The following CEP68 variants were observed in gnomAD, a reference collection of about 807,000 sequenced individuals.
The protein encoded by CEP68 is centrosomal protein 68, also known as centrosomal protein of 68 kDa.
CEP68 carries 26 observed loss-of-function variants against 55.3 expected under a neutral mutation model. The observed-to-expected ratio is 0.47, with a 90% confidence interval of 0.34 to 0.65. The LOEUF is 0.65. CEP68 is among the 30% of genes least tolerant of loss of function. CEP68 has a pLI of 0.01. For synonymous variants in CEP68, 402 were observed against 383.2 expected (o/e 1.05, Z -0.57); for missense variants, 957 against 946.7 (o/e 1.01, Z -0.14).
At chr2:65,062,557 G>A (rs534783823) in intron 1 of CEP68, among the ~76,000 whole-genome samples, 26 of 149,446 alleles carry the variant, frequency 1.7e-4, no homozygotes, top group Non-Finnish European at 2.7e-4. Flanking sequence ...AAAAAGAGGC[G>A]GGGCGTGATG....
Position 65,072,987 on chromosome 2 carries a change from A to G in CEP68, c.1884+7A>G. On this transcript the variant is annotated splice_region_variant and intron_variant, in intron 3 of 6. Transcript: ENST00000377990. The stretch of plus-strand genomic sequence containing the variant: ...ACTGGTGCAATGTGTGAAGGTAATG[A>G]CACTCAACGTTAGGAAGCTTTGTGT... The G allele has an allele frequency of 1.2e-6, 2 of 1,614,178 alleles. No homozygotes were observed. The highest frequency in any genetic ancestry group is 1.1e-5 in the South Asian group (1 of 91,070).
At chr2:65,059,252 G>A (rs987584850) in intron 1 of CEP68, among the ~76,000 whole-genome samples, 2 of 152,172 alleles carry the variant, frequency 1.3e-5, no homozygotes, top group African/African-American at 2.4e-5. Flanking sequence ...ACAACTCCTG[G>A]GGGACACTGC....
At chr2:65,076,920 AAATTTAAAAATTTAT>A (rs1314788751) in intron 4 of CEP68, among the ~76,000 whole-genome samples, 1 of 152,048 alleles carries the variant, frequency 6.6e-6, no homozygotes, top group African/African-American at 2.4e-5. Context: ...TTTCTGTTAA[AAATTTAAAAATTTAT>A]AAAAATCAGT....
intron 5 of CEP68, among the ~76,000 whole-genome samples, chr2:65,078,749 G>T (rs1330263386): frequency 6.6e-6 from 1 of 152,102 alleles, no homozygotes; most frequent in Non-Finnish European, 1.5e-5. Flanking sequence ...TCTCCATGTT[G>T]GTCAGGCCTG....
chr2:65,073,087 T>TAAAAA, intron 3 of CEP68, 107 bp downstream of exon 3: 1 of 1,196,724 alleles, frequency 8.4e-7, no homozygotes, highest in Non-Finnish European at 1.2e-6. Flanking sequence ...GCACTTTTTA[T>TAAAAA]GTGCCAGGCA....
chr2:65,063,907 T>C (rs911144037), intron 1 of CEP68, among the ~76,000 whole-genome samples: 10 of 152,234 alleles, frequency 6.6e-5, no homozygotes, highest in African/African-American at 2.4e-4. Flanking sequence ...ATAGACAGTT[T>C]TGAATGCATT....
intron 3 of CEP68, 136 bp downstream of exon 3, chr2:65,073,116 T>G: frequency 1.1e-6 from 1 of 949,580 alleles, no homozygotes; most frequent in South Asian, 1.4e-5. Flanking sequence ...TACCTTATCT[T>G]ATTCAGTCCT....
chr2:65,086,574 G>A lies in CEP68; in HGVS notation c.*2940G>A, dbSNP rs956210431. Reference sequence around the variant, plus strand: ...TATGCTCATCTTAAGTTCATGTAATGTTTCCGCTAACTCACCAAGAATAAG... The same window carrying A: ...TATGCTCATCTTAAGTTCATGTAATATTTCCGCTAACTCACCAAGAATAAG... On this transcript the variant is annotated 3_prime_UTR_variant, in exon 7 of 7. Coordinates refer to ENST00000377990, the MANE Select transcript of CEP68 (RefSeq NM_015147.3). 6.6e-6 allele frequency: 1 copy of A among 152,158 alleles called. No individual in the cohort carries two copies. Among genetic ancestry groups the A allele is most frequent in the African/African-American group, 2.4e-5 (1 of 41,448 alleles). The allele number at this position is 152,158 out of a possible 1,614,324, so 9.4% of individuals were successfully genotyped here.
Position 65,072,248 on chromosome 2 carries a change from G to A in CEP68, c.1152G>A (p.Gln384=). The part of the protein sequence containing the change: ...SLKQWPSRVP[Q]KQGGMGLASW... The stretch of plus-strand genomic sequence containing the variant: ...AGCAGTGGCCCTCCAGAGTACCCCA[G>A]AAACAGGGTGGCATGGGCTTGGCAT... Residue 384 remains glutamine (Q), a synonymous_variant, in exon 3 of 7, where the codon CAG becomes CAA. Coordinates refer to ENST00000377990, the MANE Select transcript of CEP68 (RefSeq NM_015147.3). The A allele has an allele frequency of 6.2e-7, 1 of 1,614,114 alleles. No homozygotes were observed.
chr2:65,073,029 T>G, intron 3 of CEP68, 49 bp downstream of exon 3: 18 of 1,588,956 alleles, frequency 1.1e-5, no homozygotes, highest in East Asian at 2.2e-5. Flanking sequence ...GTCTTGTCTC[T>G]TCCCCCAATC....
intron 2 of CEP68, 41 bp from the exon 3 acceptor site, chr2:65,071,413 G>C: frequency 6.5e-7 from 1 of 1,543,054 alleles, no homozygotes; most frequent in South Asian, 1.1e-5. Flanking sequence ...AATTGGGTTT[G>C]ATTTTTACCC....
chr2:65,071,805 T>C lies in CEP68; in HGVS notation c.709T>C (p.Ser237Pro). The C allele has an allele frequency of 6.2e-7, 1 of 1,608,190 alleles. No homozygotes were observed. Among genetic ancestry groups the C allele is most frequent in the Non-Finnish European group, 8.5e-7 (1 of 1,176,174 alleles). ...GGAGCCGGTCGTCCCCCAGGAACCT[T>C]CCTCTGTGGTGGGGCTAGGACCTCG... The part of the protein sequence containing the change: ...SLEPVVPQEP[S>P]SVVGLGPRPQ... Residue 237 changes from serine to proline, a missense_variant, in exon 3 of 7, where the codon TCC becomes CCC. Physicochemically the swap from Ser to Pro is moderately conservative, Grantham distance 74. Transcript: ENST00000377990.
In CEP68 at chr2:65,082,595, G is replaced by A. The variant is rs575479626; in HGVS notation, c.2164G>A (p.Asp722Asn). Reference protein sequence around the residue: ...KQSGELESHADRLYDSILASL... With the variant: ...KQSGELESHANRLYDSILASL... ...GTCTGGTGAGCTGGAGAGCCACGCAGATCGCCTGTATGACTCTATCTTGGC... is the reference window on the plus strand; with the variant it reads ...GTCTGGTGAGCTGGAGAGCCACGCAAATCGCCTGTATGACTCTATCTTGGC... Residue 722 changes from aspartate to asparagine, a missense_variant, in exon 6 of 7, where the codon GAT becomes AAT. Transcript: ENST00000377990. 9 of 1,609,446 alleles carry A rather than the reference G, an allele frequency of 5.6e-6. No homozygotes were observed. Among genetic ancestry groups the A allele is most frequent in the Admixed American group, 1.7e-5 (1 of 58,876 alleles).
chr2:65,071,822 A>G lies in CEP68; in HGVS notation c.726A>G (p.Leu242=). Residue 242 remains leucine, a synonymous_variant, in exon 3 of 7, where the codon CTA becomes CTG. Transcript: ENST00000377990. The part of the protein sequence containing the change: ...VPQEPSSVVG[L]GPRPQWSPQP... ...AGGAACCTTCCTCTGTGGTGGGGCT[A>G]GGACCTCGGCCCCAGTGGTCACCAC... The G allele has an allele frequency of 1.4e-5, 22 of 1,605,282 alleles. No individual in the cohort carries two copies. The highest frequency in any genetic ancestry group is 1.7e-5 in the Non-Finnish European group (20 of 1,174,846).
chr2:65,081,569 G>GA (rs1209970377), intron 5 of CEP68, among the ~76,000 whole-genome samples: 1 of 152,084 alleles, frequency 6.6e-6, no homozygotes, highest in Non-Finnish European at 1.5e-5. Context: ...ATAAATTTTT[G>GA]AAAAAAGAAA....
At chr2:65,074,223 GATAACATAA>G in intron 3 of CEP68, 50 bp from the exon 4 acceptor site, 1 of 1,590,042 alleles carries the variant, frequency 6.3e-7, no homozygotes, top group East Asian at 2.3e-5. Context: ...TTAGCCTTTT[GATAACATAA>G]ATAGCTGTTC....
Position 65,077,879 on chromosome 2 carries a change from A to C in CEP68, c.2019A>C (p.Lys673Asn). Residue 673 changes from lysine (K) to asparagine (N), a missense_variant, in exon 5 of 7, where the codon AAA (lysine) becomes AAC (asparagine). Transcript: ENST00000377990. ...SSLQLYRQFK[K>N]DIDEHQSLTE... The stretch of plus-strand genomic sequence containing the variant: ...TGATACGCCTTAAGCAATTTAAGAA[A>C]GATATAGATGAACATCAGTCTCTGA... 6.2e-7 allele frequency: 1 copy of C among 1,612,300 alleles called. No homozygotes were observed. The highest frequency in any genetic ancestry group is 8.5e-7 in the Non-Finnish European group (1 of 1,179,142).
intron 2 of CEP68, among the ~76,000 whole-genome samples, 160 bp downstream of exon 2, chr2:65,069,961 A>C (rs1005327685): frequency 1.1e-4 from 16 of 152,150 alleles, no homozygotes; most frequent in African/African-American, 3.9e-4. Context: ...TCAGCTAGAG[A>C]GCTGGGCCTC....
chr2:65,074,359 C>T lies in CEP68; in HGVS notation c.1962C>T (p.Ala654=). 2 of 1,614,190 alleles carry T rather than the reference C, an allele frequency of 1.2e-6. No homozygotes were observed. Among genetic ancestry groups the T allele is most frequent in the Non-Finnish European group, 1.7e-6 (2 of 1,180,010 alleles). ...VADVTDHGTA[A]RSNLTSLKSS... is the part of the protein sequence containing the mutation. The stretch of plus-strand genomic sequence containing the variant: ...ATGTTACTGACCACGGGACTGCAGC[C>T]AGGTCCAATCTTACAAGTCTCAAGT... Residue 654 remains alanine, a synonymous_variant, in exon 4 of 7, where the codon GCC becomes GCT. Transcript: ENST00000377990.
Sources: gnomAD v4.1 joint callset for allele counts (sites outside exome capture counted in the v4.1 genomes callset) on GRCh38, gnomAD v4.1.1 for gene constraint, MANE v1.5 for transcripts, NCBI Gene and HGNC (gene_info 2026-07-23, HGNC 2026-07-21) for gene names.